TULP1: variants seen among roughly 807,000 people sequenced by gnomAD.
TULP1 encodes the protein TUB like protein 1.
In TULP1, 50 loss-of-function variants were observed where a neutral mutation model predicts 67.1. The ratio of observed to expected loss-of-function variants is 0.75; its 90% CI spans 0.59 to 0.94. TULP1 has a LOEUF of 0.94. Among genes scored for constraint, TULP1 ranks in the 40% least tolerant of loss-of-function variants. The probability of loss-of-function intolerance (pLI) is 0.00; values close to 1 mark genes in which losing one functional copy is unlikely to be tolerated. For missense variants in TULP1, 746 were observed against 734.1 expected, an observed-to-expected ratio of 1.02 and a Z score of -0.19; for synonymous variants, 297 against 294.0, an observed-to-expected ratio of 1.01 and a Z score of -0.11.
rs2150929295 is a variant in TULP1 at position 35,512,886 on chromosome 6, T to C, written c.-28A>G. 1.2e-6 allele frequency: 2 copies of C among 1,611,458 alleles called. No homozygotes were observed. The highest frequency in any genetic ancestry group is 2.2e-5 in the East Asian group (1 of 44,870). ...TGCCTTTGCCTATCGCACCCCTTTC[T>C]CTGCAGGTCTAGGAGCCTCCCTCCC... On this transcript the variant is annotated 5_prime_UTR_variant, in exon 1 of 15. Coordinates refer to ENST00000229771, the MANE Select transcript of TULP1 (RefSeq NM_003322.6).
In TULP1 at chr6:35,506,127, CG is replaced by C. The variant is rs1761082491; in HGVS notation, c.874del (p.Arg292GlyfsTer18). 6.2e-7 allele frequency: 1 copy of C among 1,613,678 alleles called. No individual in the cohort carries two copies. The highest frequency in any genetic ancestry group is 8.5e-7 in the Non-Finnish European group (1 of 1,179,976). ...PSPPVEVDEP[R>X]EFVLRPAPQG... is the part of the protein sequence containing the mutation. ...GGGGGCAGGCCGGAGCACAAACTCC[CG>C]GGGTTCGTCCACCTCCACGGGGGGA... is the stretch of plus-strand genomic sequence containing the variant. On this transcript the variant is annotated frameshift_variant, in exon 10 of 15. Coordinates refer to ENST00000229771, the MANE Select transcript of TULP1 (RefSeq NM_003322.6). LOFTEE classifies it high-confidence loss of function.
At chr6:35,509,362 A>G (rs1340224333) in intron 7 of TULP1, 50 bp from the exon 8 acceptor site, 1 of 1,573,758 alleles carries the variant, frequency 6.4e-7, no homozygotes, top group Non-Finnish European at 8.7e-7. Flanking sequence ...CCTGGTTTGC[A>G]AAGTGCTTCC....
At chr6:35,511,983 C>T (rs1245929028) in intron 3 of TULP1, 177 bp from the exon 4 acceptor site, 2 of 774,136 alleles carry the variant, frequency 2.6e-6, no homozygotes, top group African/African-American at 3.5e-5. Flanking sequence ...GCTTCCCACC[C>T]CCTTCTACCC....
At position 35,503,776 on chromosome 6, in the gene TULP1, A is replaced by G; in HGVS notation, c.1185T>C (p.Asn395=). 6.2e-7 allele frequency: 1 copy of G among 1,613,746 alleles called. No homozygotes were observed. The highest frequency in any genetic ancestry group is 8.5e-7 in the Non-Finnish European group (1 of 1,179,904). ...GQNPQRGYST[N]VASLRQELAA... is the part of the protein sequence containing the mutation. ...CCAGCTCCTGCCGAAGGCTTGCCAC[A>G]TTAGTGCTGTACCCACGCTGTGGGT... Residue 395 remains asparagine, a synonymous_variant, in exon 12 of 15, where the codon AAT becomes AAC. Transcript: ENST00000229771. The surrounding 1 kb of genome is among the most constrained non-coding windows in gnomAD (Gnocchi z 4.0).
At chr6:35,505,505 G>T in intron 11 of TULP1, 1 of 1,192,750 alleles carries the variant, frequency 8.4e-7, no homozygotes, top group Non-Finnish European at 1.2e-6. Flanking sequence ...CAGCAGTGTG[G>T]GCATCGCCTG....
At chr6:35,510,145 C>T (rs1484380249) in intron 5 of TULP1, among the ~76,000 whole-genome samples, 1 of 152,004 alleles carries the variant, frequency 6.6e-6, no homozygotes, top group African/African-American at 2.4e-5. Flanking sequence ...CCTCCACCTC[C>T]AGGGTTCAAG....
In TULP1 at chr6:35,512,166, T is replaced by C; in HGVS notation, c.190+14A>G. The C allele has an allele frequency of 7.4e-7, 1 of 1,342,356 alleles. No individual in the cohort carries two copies. Among genetic ancestry groups the C allele is most frequent in the South Asian group, 2.3e-5 (1 of 44,344 alleles). 83.2% of individuals were successfully genotyped at this position (1,342,356 alleles called of 1,614,324 possible). A position where few individuals can be genotyped will look rare whatever the true frequency, so the allele number is the denominator to read the frequency against. Reference sequence around the variant, plus strand: ...ACACCCTGGGGGTCCACCCGGGCTCTGCACCCCGCCCACCTCCGGGCTTCC... The same window carrying C: ...ACACCCTGGGGGTCCACCCGGGCTCCGCACCCCGCCCACCTCCGGGCTTCC... On this transcript the variant is annotated intron_variant, in intron 3 of 14. Transcript: ENST00000229771.
Position 35,498,498 on chromosome 6 carries a change from T to C in TULP1, c.1496-38A>G. The C allele has an allele frequency of 6.2e-7, 1 of 1,612,216 alleles. No individual in the cohort carries two copies. Among genetic ancestry groups the C allele is most frequent in the South Asian group, 1.1e-5 (1 of 91,054 alleles). On this transcript the variant is annotated intron_variant, in intron 14 of 14. Transcript: ENST00000229771. The surrounding 1 kb of genome is among the most constrained non-coding windows in gnomAD (Gnocchi z 6.7). ...GACGGGGTGGGGGCGGCCCGAGACC[T>C]CCTTGGACCCCCATCCTGGCAGACA... is the stretch of plus-strand genomic sequence containing the variant.
At position 35,503,781 on chromosome 6, in the gene TULP1, T is replaced by C; in HGVS notation, c.1180A>G (p.Thr394Ala). 1 of 1,613,718 alleles carries C rather than the reference T, an allele frequency of 6.2e-7. No homozygotes were observed. ...TCCTGCCGAAGGCTTGCCACATTAG[T>C]GCTGTACCCACGCTGTGGGTTCTGC... ...NGQNPQRGYS[T>A]NVASLRQELA... The change falls in exon 12 of 15, where the codon ACT (threonine) becomes GCT (alanine). Residue 394 changes from threonine (T) to alanine (A), a missense_variant. Transcript: ENST00000229771. The surrounding 1 kb of genome is among the most constrained non-coding windows in gnomAD (Gnocchi z 4.0).
intron 8 of TULP1, among the ~76,000 whole-genome samples, chr6:35,506,812 G>T (rs1761097693): frequency 6.6e-6 from 1 of 152,130 alleles, no homozygotes; most frequent in Non-Finnish European, 1.5e-5. Flanking sequence ...CTCCTATGAG[G>T]TCCAGAGCCT....
intron 5 of TULP1, among the ~76,000 whole-genome samples, chr6:35,510,273 A>G (rs1478669080): frequency 6.6e-6 from 1 of 152,186 alleles, no homozygotes; most frequent in African/African-American, 2.4e-5. Context: ...AGGCCAAAAA[A>G]GCTCTGGACA....
rs530061088 is a variant in TULP1 at position 35,510,122 on chromosome 6, C to T, written c.500-194G>A. Among the ~76,000 whole-genome samples the T allele has an allele frequency of 1.3e-4, 19 of 151,932 alleles. No homozygotes were observed. The South Asian group carries it at 3.1e-3, about 25-fold the overall frequency. ...AGGCTGGAATGCAGTGGCAGGATCT[C>T]GGCTCACTGCAACCTCCACCTCCAG... On this transcript the variant is annotated intron_variant, in intron 5 of 14. Coordinates refer to ENST00000229771, the MANE Select transcript of TULP1 (RefSeq NM_003322.6).
chr6:35,512,382 G>T, intron 2 of TULP1, 112 bp from the exon 3 acceptor site: 1 of 681,936 alleles, frequency 1.5e-6, no homozygotes, highest in Non-Finnish European at 2.4e-6. Flanking sequence ...TATCCGGGGG[G>T]AACTGCAGCC....
chr6:35,501,640 C>A (rs531639145), intron 13 of TULP1, among the ~76,000 whole-genome samples: 2 of 151,486 alleles, frequency 1.3e-5, no homozygotes, highest in African/African-American at 4.9e-5. Flanking sequence ...GGCAAAACCG[C>A]GTCTCTACTG....
intron 6 of TULP1, 31 bp downstream of exon 6, chr6:35,509,796 A>G: frequency 1.2e-6 from 2 of 1,613,922 alleles, no homozygotes; most frequent in Non-Finnish European, 8.5e-7. Flanking sequence ...CCGCAACTGG[A>G]GTCCCCTGTT....
chr6:35,501,218 C>T (rs960115404), intron 13 of TULP1, among the ~76,000 whole-genome samples: 1 of 152,078 alleles, frequency 6.6e-6, no homozygotes, highest in Non-Finnish European at 1.5e-5. Context: ...TTTTAAAATA[C>T]AAGTCATGCC....
chr6:35,506,100 T>A lies in TULP1; in HGVS notation c.902A>T (p.Gln301Leu). The change falls in exon 10 of 15, where the codon CAG becomes CTG. Residue 301 changes from glutamine (Q) to leucine (L), a missense_variant. By Grantham distance (113) the Gln-to-Leu change is moderately radical. This residue lies in a region of TULP1 where 383 missense variants were observed against 374.1 expected (regional missense o/e 1.02). Transcript: ENST00000229771. ...PREFVLRPAP[Q>L]GRTVRCRLTR... ...CAGCCGGCAGCGCACCGTGCGGCCCTGGGGGGCAGGCCGGAGCACAAACTC... is the reference window on the plus strand; with the variant it reads ...CAGCCGGCAGCGCACCGTGCGGCCCAGGGGGGCAGGCCGGAGCACAAACTC... 1.2e-6 allele frequency: 2 copies of A among 1,613,604 alleles called. No homozygotes were observed. The highest frequency in any genetic ancestry group is 1.7e-6 in the Non-Finnish European group (2 of 1,179,984).
rs371715546 is a variant in TULP1, at chr6:35,503,891, A to G, written c.1113-43T>C. On this transcript the variant is annotated intron_variant, in intron 11 of 14. Coordinates refer to ENST00000229771, the MANE Select transcript of TULP1 (RefSeq NM_003322.6). This position sits in a 1 kb window ranked among gnomAD's most constrained non-coding sequence, Gnocchi z 4.0. ...CTTGGGGTGGGGCTGAGGGGATCCT[A>G]CATCCCTGCCCCAGGCCCCTTCCAC... The G allele has an allele frequency of 2.2e-5, 33 of 1,477,670 alleles. No individual in the cohort carries two copies. The highest frequency in any genetic ancestry group is 3.5e-4 in the Middle Eastern group (2 of 5,734). The allele number at this position is 1,477,670 out of a possible 1,614,324, so 91.5% of individuals were successfully genotyped here. A position where few individuals can be genotyped will look rare whatever the true frequency, so the allele number is the denominator to read the frequency against.
At chr6:35,501,244 C>A (rs968677018) in intron 13 of TULP1, among the ~76,000 whole-genome samples, 1 of 151,808 alleles carries the variant, frequency 6.6e-6, no homozygotes, top group Non-Finnish European at 1.5e-5. Context: ...CAGTGGCTCA[C>A]GCATATAATC....
Sources: gnomAD v4.1 joint callset for allele counts (sites outside exome capture counted in the v4.1 genomes callset) on GRCh38, gnomAD v4.1.1 for gene constraint, gnomAD v4.1.1 regional missense constraint, Gnocchi (gnomAD v3.1) non-coding constraint, MANE v1.5 for transcripts, NCBI Gene and HGNC (gene_info 2026-07-23, HGNC 2026-07-21) for gene names.